The following DYNLRB1 variants were observed in gnomAD, a reference collection of about 807,000 sequenced individuals.
DYNLRB1 encodes ROBL/LC7-like 1.
Under a neutral mutation model 13.5 loss-of-function variants are expected in DYNLRB1, and 6 were observed. That is an observed-to-expected ratio of 0.44 (90% CI 0.24 to 0.88). The LOEUF (loss-of-function observed/expected upper bound fraction) is 0.88, where lower values mean the gene tolerates loss of function less well. Ranked by LOEUF, DYNLRB1 falls within the 40% of genes least tolerant of loss-of-function variation. The pLI, the probability that DYNLRB1 is intolerant of heterozygous loss-of-function variation, is 0.21. For synonymous variants in DYNLRB1, 43 were observed against 45.0 expected, an observed-to-expected ratio of 0.96 and a Z score of 0.18; for missense variants, 93 against 127.2, an observed-to-expected ratio of 0.73 and a Z score of 1.29.
At chr20:34,535,678 A>C (rs1228798480) in intron 3 of DYNLRB1, 2 of 985,130 alleles carry the variant, frequency 2.0e-6, no homozygotes, top group African/African-American at 3.5e-5. Flanking sequence ...TATGCGCGTG[A>C]TGGTGCACTC....
At chr20:34,520,387 AGTTGTACCATAAT>A (rs1388641333) in intron 1 of DYNLRB1, among the ~76,000 whole-genome samples, 2 of 152,198 alleles carry the variant, frequency 1.3e-5, no homozygotes, top group African/African-American at 4.8e-5. Context: ...TCGGTGAAAT[AGTTGTACCATAAT>A]TGGCCAAATA....
At position 34,540,574 on chromosome 20, in the gene DYNLRB1, T is replaced by G; in HGVS notation, c.248-7T>G. The G allele has an allele frequency of 1.2e-6, 2 of 1,613,240 alleles. No homozygotes were observed. The highest frequency in any genetic ancestry group is 2.2e-5 in the East Asian group (1 of 44,878). ...TAGTGATTTTTTTTCATTTTTCTCT[T>G]TTGCAGATAAAGACTATTTCCTGAT... is the stretch of plus-strand genomic sequence containing the variant. On this transcript the variant is annotated splice_region_variant and splice_polypyrimidine_tract_variant and intron_variant, in intron 3 of 3. Coordinates refer to ENST00000357156, the MANE Select transcript of DYNLRB1 (RefSeq NM_014183.4).
At chr20:34,519,759 T>C (rs1269532915) in intron 1 of DYNLRB1, among the ~76,000 whole-genome samples, 1 of 152,184 alleles carries the variant, frequency 6.6e-6, no homozygotes, top group Non-Finnish European at 1.5e-5. Flanking sequence ...TTATGTAGGA[T>C]AGATTTCTAC....
upstream of DYNLRB1, chr20:34,516,374 G>C: frequency 1.3e-6 from 2 of 1,580,998 alleles, no homozygotes; most frequent in Non-Finnish European, 1.7e-6. Context: ...AGAGCTGTCC[G>C]TTTTGACAGA....
At chr20:34,517,552 A>G (rs1273707213) in intron 1 of DYNLRB1, among the ~76,000 whole-genome samples, 1 of 152,034 alleles carries the variant, frequency 6.6e-6, no homozygotes, top group Non-Finnish European at 1.5e-5. Context: ...ATTTTGATAC[A>G]TGCATATGAT....
chr20:34,532,165 A>G (rs1039350177), intron 2 of DYNLRB1, among the ~76,000 whole-genome samples: 4 of 152,224 alleles, frequency 2.6e-5, no homozygotes, highest in African/African-American at 9.7e-5. Context: ...CCTTCAGATG[A>G]ATGGAAATGG....
chr20:34,534,311 G>A (rs1384494983), intron 2 of DYNLRB1, among the ~76,000 whole-genome samples: 3 of 152,208 alleles, frequency 2.0e-5, no homozygotes, highest in African/African-American at 7.2e-5. Context: ...CCCTGGGAAA[G>A]GAACCCAGGA....
intron 1 of DYNLRB1, 85 bp from the exon 2 acceptor site, chr20:34,526,183 C>A: frequency 6.9e-7 from 1 of 1,456,484 alleles, no homozygotes; most frequent in Non-Finnish European, 9.6e-7. Flanking sequence ...TGTTGGAAGA[C>A]AAACGTATGA....
chr20:34,534,872 C>T (rs1600552634), intron 3 of DYNLRB1, 77 bp downstream of exon 3: 1 of 1,605,802 alleles, frequency 6.2e-7, no homozygotes, highest in Non-Finnish European at 8.5e-7. Flanking sequence ...AGTCCTGGCA[C>T]AGTGGTGTCT....
chr20:34,520,408 A>G (rs1369807320), intron 1 of DYNLRB1, among the ~76,000 whole-genome samples: 1 of 152,100 alleles, frequency 6.6e-6, no homozygotes, highest in African/African-American at 2.4e-5. Context: ...AATTGGCCAA[A>G]TATCTTACCT....
chr20:34,536,145 T>C (rs1981126593), intron 3 of DYNLRB1: 1 of 985,456 alleles, frequency 1.0e-6, no homozygotes. Context: ...GAGTCTATTA[T>C]TCCAAAATCA....
intron 1 of DYNLRB1, among the ~76,000 whole-genome samples, chr20:34,525,411 C>T (rs1656525979): frequency 6.6e-6 from 1 of 152,120 alleles, no homozygotes; most frequent in South Asian, 2.1e-4. Flanking sequence ...GGACATAGTA[C>T]CTAATGCATG....
intron 1 of DYNLRB1, among the ~76,000 whole-genome samples, chr20:34,519,855 C>T (rs1457801149): frequency 4.6e-5 from 7 of 152,128 alleles, no homozygotes; most frequent in South Asian, 2.1e-4. Context: ...TATAATTGGC[C>T]GGACACAATG....
chr20:34,518,219 T>C (rs1023767728), intron 1 of DYNLRB1, among the ~76,000 whole-genome samples: 1 of 152,160 alleles, frequency 6.6e-6, no homozygotes, highest in African/African-American at 2.4e-5. Flanking sequence ...TCTATTCCAT[T>C]GGTCTGTGTT....
At chr20:34,531,342 A>G (rs1980698059) in intron 2 of DYNLRB1, 1 of 152,272 alleles carries the variant, frequency 6.6e-6, no homozygotes, top group Non-Finnish European at 1.5e-5. Context: ...TCTGCAGGCT[A>G]CACAGTGTTC....
intron 1 of DYNLRB1, among the ~76,000 whole-genome samples, chr20:34,518,956 G>A (rs903930802): frequency 1.3e-5 from 2 of 151,550 alleles, no homozygotes; most frequent in African/African-American, 4.9e-5. Flanking sequence ...GCAGTGGTGT[G>A]ATCTGAGCTC....
chr20:34,516,440 G>T lies in DYNLRB1; in HGVS notation c.-19G>T. On this transcript the variant is annotated 5_prime_UTR_variant, in exon 1 of 4. Transcript: ENST00000357156. ...ACTCGCTAAGTGTTCGCTACGCGGGGCTACCGGATCGGTCGGAAATGGTGA... is the reference window on the plus strand; with the variant it reads ...ACTCGCTAAGTGTTCGCTACGCGGGTCTACCGGATCGGTCGGAAATGGTGA... The T allele has an allele frequency of 6.2e-7, 1 of 1,613,282 alleles. No homozygotes were observed. Among genetic ancestry groups the T allele is most frequent in the Non-Finnish European group, 8.5e-7 (1 of 1,179,578 alleles).
At chr20:34,520,782 T>C (rs891064269) in intron 1 of DYNLRB1, among the ~76,000 whole-genome samples, 3 of 152,194 alleles carry the variant, frequency 2.0e-5, no homozygotes, top group African/African-American at 7.2e-5. Flanking sequence ...AATAGTGCTG[T>C]GATGATGCTT....
chr20:34,519,152 C>A (rs1039665791), intron 1 of DYNLRB1, among the ~76,000 whole-genome samples: 1 of 152,050 alleles, frequency 6.6e-6, no homozygotes, highest in Non-Finnish European at 1.5e-5. Flanking sequence ...AAACTCATGA[C>A]CTCAGGTGAT....
Sources: gnomAD v4.1 joint callset for allele counts (sites outside exome capture counted in the v4.1 genomes callset) on GRCh38, gnomAD v4.1.1 for gene constraint, MANE v1.5 for transcripts, NCBI Gene and HGNC (gene_info 2026-07-23, HGNC 2026-07-21) for gene names.